MYO1E: variants seen among roughly 807,000 people sequenced by gnomAD.
MYO1E encodes the protein unconventional myosin-Ie.
Under a neutral mutation model 151.1 loss-of-function variants are expected in MYO1E, and 68 were observed. The ratio of observed to expected loss-of-function variants is 0.45; its 90% CI spans 0.37 to 0.55. The LOEUF (loss-of-function observed/expected upper bound fraction) is 0.55. Ranked by LOEUF, MYO1E falls within the 20% of genes least tolerant of loss-of-function variation. The pLI, the probability that MYO1E is intolerant of heterozygous loss-of-function variation, is 0.00. For synonymous variants in MYO1E, 601 were observed against 501.7 expected, an observed-to-expected ratio of 1.20 and a Z score of -2.64; for missense variants, 1,363 against 1,389.3, an observed-to-expected ratio of 0.98 and a Z score of 0.30.
intron 5 of MYO1E, among the ~76,000 whole-genome samples, chr15:59,234,867 A>T (rs2080053033): frequency 6.7e-6 from 1 of 150,342 alleles, no homozygotes; most frequent in Admixed American, 6.6e-5. Context: ...AGAGAATTTT[A>T]TGTGTCTTTT....
intron 2 of MYO1E, among the ~76,000 whole-genome samples, chr15:59,267,684 G>T (rs138983355): frequency 9.8e-5 from 15 of 152,324 alleles, no homozygotes; most frequent in African/African-American, 3.6e-4. Flanking sequence ...GAGAAAGTTG[G>T]ACCGAATGAG....
intron 1 of MYO1E, among the ~76,000 whole-genome samples, chr15:59,323,826 G>T (rs1423955720): frequency 2.0e-5 from 3 of 151,986 alleles, no homozygotes; most frequent in Non-Finnish European, 2.9e-5. Flanking sequence ...AGCCAGAGAG[G>T]GGTCTGGCTG....
intron 18 of MYO1E, among the ~76,000 whole-genome samples, chr15:59,181,276 G>A (rs1270434865): frequency 2.6e-5 from 4 of 152,168 alleles, no homozygotes; most frequent in African/African-American, 9.7e-5. Context: ...TGTAAATCAT[G>A]CTACAAGATA....
Position 59,136,722 on chromosome 15 carries a change from T to G in MYO1E, c.*658A>C, listed in dbSNP as rs1256123736. On this transcript the variant is annotated 3_prime_UTR_variant, in exon 28 of 28. Transcript: ENST00000288235. ...CAATATGGGCCAGCCACATTCTAAT[T>G]GAAGACCCAGAGAAAGCAAAGCCAG... The G allele has an allele frequency of 2.2e-6, 1 of 456,472 alleles. No homozygotes were observed. Among genetic ancestry groups the G allele is most frequent in the East Asian group, 6.9e-5 (1 of 14,394 alleles). 28.3% of individuals were successfully genotyped at this position (456,472 alleles called of 1,614,324 possible). A position where few individuals can be genotyped will look rare whatever the true frequency, so the allele number is the denominator to read the frequency against.
intron 22 of MYO1E, among the ~76,000 whole-genome samples, chr15:59,171,575 A>T (rs1293076597): frequency 6.6e-6 from 1 of 152,184 alleles, no homozygotes; most frequent in African/African-American, 2.4e-5. Flanking sequence ...CCTTGGCTCT[A>T]CTGCAACAAG....
At chr15:59,326,942 AG>A (rs1251630839) in intron 1 of MYO1E, among the ~76,000 whole-genome samples, 1 of 152,336 alleles carries the variant, frequency 6.6e-6, no homozygotes, top group Middle Eastern at 3.4e-3. Flanking sequence ...ACAGCAAGTC[AG>A]GGAACCACTC....
chr15:59,282,884 A>G (rs1257184875), intron 1 of MYO1E, among the ~76,000 whole-genome samples: 6 of 5,266 alleles, frequency 1.1e-3, no homozygotes, highest in African/African-American at 3.6e-3. Flanking sequence ...TGGGAGAGGG[A>G]GGGGAGGGGG....
Position 59,372,497 on chromosome 15 carries a change from C to A in MYO1E, c.3+1G>T, listed in dbSNP as rs543195936. ...CCTAGGACGCGGCGCGGCCAACTCA[C>A]CATGGTGACTCGCGCCGCGGTCGCG... On this transcript the variant is annotated splice_donor_variant, in intron 1 of 27. Coordinates refer to ENST00000288235, the MANE Select transcript of MYO1E (RefSeq NM_004998.4). LOFTEE classifies it high-confidence loss of function. 1.3e-6 allele frequency: 2 copies of A among 1,538,286 alleles called. No individual in the cohort carries two copies. Among genetic ancestry groups the A allele is most frequent in the East Asian group, 4.9e-5 (2 of 40,676 alleles).
chr15:59,235,649 T>C (rs2080057708), intron 5 of MYO1E, among the ~76,000 whole-genome samples: 2 of 152,244 alleles, frequency 1.3e-5, no homozygotes, highest in South Asian at 2.1e-4. Context: ...TATACATGTA[T>C]TATTTTGTAT....
intron 1 of MYO1E, among the ~76,000 whole-genome samples, chr15:59,356,883 TTTTTTTTG>T (rs1238398809): frequency 6.7e-5 from 7 of 104,806 alleles, no homozygotes; most frequent in Non-Finnish European, 1.3e-4. Flanking sequence ...TGTTAAGTTT[TTTTTTTTG>T]TTTGTTTGTT....
intron 26 of MYO1E, among the ~76,000 whole-genome samples, chr15:59,152,290 A>T (rs2079486099): frequency 6.6e-6 from 1 of 152,188 alleles, no homozygotes; most frequent in Non-Finnish European, 1.5e-5. Context: ...CAGAGGAAGG[A>T]GCTGTTGTTT....
At chr15:59,184,727 G>A (rs147720124) in intron 18 of MYO1E, among the ~76,000 whole-genome samples, 51 of 152,280 alleles carry the variant, frequency 3.3e-4, no homozygotes, top group Middle Eastern at 3.4e-3. Flanking sequence ...CTTGGCTATT[G>A]TGAATAGTGC....
intron 5 of MYO1E, among the ~76,000 whole-genome samples, chr15:59,232,451 G>A (rs1460118881): frequency 2.0e-5 from 3 of 152,216 alleles, no homozygotes; most frequent in African/African-American, 7.2e-5. Flanking sequence ...GTCAACAGTG[G>A]ATCGTGTGGA....
chr15:59,293,337 G>C (rs1158683445), intron 1 of MYO1E, among the ~76,000 whole-genome samples: 4 of 152,108 alleles, frequency 2.6e-5, no homozygotes, highest in Non-Finnish European at 5.9e-5. Context: ...CTTGAGGTCA[G>C]GAGTTTGAGA....
At chr15:59,295,104 C>A (rs574601604) in intron 1 of MYO1E, among the ~76,000 whole-genome samples, 68 of 152,180 alleles carry the variant, frequency 4.5e-4, no homozygotes, top group African/African-American at 1.3e-3. Flanking sequence ...AATAAAGAGC[C>A]ATGCACATAA....
At chr15:59,137,547 T>G in intron 27 of MYO1E, 91 bp from the exon 28 acceptor site, 1 of 1,043,642 alleles carries the variant, frequency 9.6e-7, no homozygotes, top group South Asian at 1.3e-5. Flanking sequence ...TCAAGTGATT[T>G]GGCTCCATCC....
chr15:59,370,379 G>T (rs1435594261), intron 1 of MYO1E, among the ~76,000 whole-genome samples: 3 of 152,230 alleles, frequency 2.0e-5, no homozygotes, highest in African/African-American at 7.2e-5. Context: ...TTCAAGTCAG[G>T]AAAGAAATGA....
chr15:59,369,546 C>T (rs764299570), intron 1 of MYO1E, among the ~76,000 whole-genome samples: 8 of 152,118 alleles, frequency 5.3e-5, no homozygotes, highest in East Asian at 3.9e-4. Context: ...ATGGGTATTA[C>T]GGTTAAAGTC....
intron 1 of MYO1E, among the ~76,000 whole-genome samples, chr15:59,304,537 G>A (rs185289718): frequency 1.3e-5 from 2 of 152,134 alleles, no homozygotes; most frequent in African/African-American, 2.4e-5. Flanking sequence ...AATTATTTAG[G>A]TATGACACAA....
Sources: gnomAD v4.1 joint callset for allele counts (sites outside exome capture counted in the v4.1 genomes callset) on GRCh38, gnomAD v4.1.1 for gene constraint, MANE v1.5 for transcripts, NCBI Gene and HGNC (gene_info 2026-07-23, HGNC 2026-07-21) for gene names.